MAP4K5: variants seen among roughly 807,000 people sequenced by gnomAD.
MAP4K5 encodes MAPK/ERK kinase kinase kinase 5.
Under a neutral mutation model 135.6 loss-of-function variants are expected in MAP4K5, and 82 were observed. That is an observed-to-expected ratio of 0.60 (90% CI 0.51 to 0.73). The LOEUF (loss-of-function observed/expected upper bound fraction) is 0.73, where lower values mean the gene tolerates loss of function less well. Among genes scored for constraint, MAP4K5 ranks in the 30% least tolerant of loss-of-function variants. The pLI, the probability that MAP4K5 is intolerant of heterozygous loss-of-function variation, is 0.00. For synonymous variants in MAP4K5, 347 were observed against 335.0 expected, an observed-to-expected ratio of 1.04 and a Z score of -0.39; for missense variants, 907 against 1,010.9, an observed-to-expected ratio of 0.90 and a Z score of 1.39.
chr14:50,527,837 T>A (rs1043597568), intron 2 of MAP4K5, among the ~76,000 whole-genome samples: 7 of 23,318 alleles, frequency 3.0e-4, no homozygotes, highest in Admixed American at 2.4e-3. Context: ...ATAATAATAA[T>A]AAATAAATAA....
chr14:50,468,997 G>A (rs1162671427), intron 9 of MAP4K5, among the ~76,000 whole-genome samples: 1 of 152,134 alleles, frequency 6.6e-6, no homozygotes, highest in Admixed American at 6.5e-5. Context: ...TCCTCTGAAT[G>A]TTTATGCTCT....
rs1161344778 is a variant in MAP4K5, at chr14:50,445,070, C to G, written c.1310G>C (p.Cys437Ser). The G allele has an allele frequency of 6.2e-7, 1 of 1,613,602 alleles. No homozygotes were observed. The highest frequency in any genetic ancestry group is 8.5e-7 in the Non-Finnish European group (1 of 1,179,656). Residue 437 changes from cysteine (C) to serine (S), a missense_variant, in exon 18 of 33, where the codon TGT becomes TCT. Around this residue, in one of 3 missense-constraint regions of MAP4K5, gnomAD observed 690 missense variants for 777.4 expected, o/e 0.89. Coordinates refer to ENST00000682126, the MANE Select transcript of MAP4K5 (RefSeq NM_006575.6). The stretch of plus-strand genomic sequence containing the variant: ...AGAAGAAGTCTCTGCCACAGGCCCA[C>G]AACTTGGGCTACTCTGTCTTCTGAG... Reference protein sequence around the residue: ...QILRRQSSPSCGPVAETSSIG... With the variant: ...QILRRQSSPSSGPVAETSSIG...
intron 13 of MAP4K5, among the ~76,000 whole-genome samples, chr14:50,458,526 T>C (rs922307848): frequency 1.3e-5 from 2 of 152,192 alleles, no homozygotes; most frequent in African/African-American, 4.8e-5. Flanking sequence ...TTATCTCTGT[T>C]AAACTCATCA....
At chr14:50,446,879 A>C (rs1020255178) in intron 16 of MAP4K5, among the ~76,000 whole-genome samples, 5 of 152,222 alleles carry the variant, frequency 3.3e-5, no homozygotes, top group African/African-American at 1.2e-4. Flanking sequence ...ATTTCATGTA[A>C]TTTTCATGTG....
At chr14:50,452,039 G>A (rs1159308772) in intron 14 of MAP4K5, among the ~76,000 whole-genome samples, 2 of 152,272 alleles carry the variant, frequency 1.3e-5, no homozygotes, top group Non-Finnish European at 2.9e-5. Context: ...ATACTCTCTT[G>A]AGATGCTGGA....
At chr14:50,466,775 T>C (rs962658809) in intron 10 of MAP4K5, 130 bp from the exon 11 acceptor site, 7 of 480,854 alleles carry the variant, frequency 1.5e-5, no homozygotes, top group African/African-American at 1.2e-4. Context: ...CTATGGGATA[T>C]AGAAATTAAA....
chr14:50,525,662 C>T (rs990510149), intron 2 of MAP4K5, among the ~76,000 whole-genome samples: 1 of 151,976 alleles, frequency 6.6e-6, no homozygotes, highest in African/African-American at 2.4e-5. Flanking sequence ...ATGGCGAAAC[C>T]CCACCTTTAC....
intron 21 of MAP4K5, among the ~76,000 whole-genome samples, chr14:50,441,743 T>TACACACACACACAC (rs57651486): frequency 7.1e-6 from 1 of 141,532 alleles, no homozygotes; most frequent in African/African-American, 2.6e-5. Flanking sequence ...AATTATTTTA[T>TACACACACACACAC]ACACACACAC....
At chr14:50,547,865 T>A in intron 1 of MAP4K5, among the ~76,000 whole-genome samples, 1 of 152,232 alleles carries the variant, frequency 6.6e-6, no homozygotes. Context: ...GGAGGGCCAA[T>A]AATGGACTTT....
chr14:50,479,697 G>C (rs1204285679), intron 6 of MAP4K5, among the ~76,000 whole-genome samples: 1 of 151,978 alleles, frequency 6.6e-6, no homozygotes, highest in African/African-American at 2.4e-5. Flanking sequence ...ATCTTATTTT[G>C]CTTCTTTGCT....
At position 50,419,015 on chromosome 14, in the gene MAP4K5, A is replaced by G. The variant is rs2035665184; in HGVS notation, c.*1004T>C. 6.6e-6 allele frequency: 1 copy of G among 152,170 alleles called. No individual in the cohort carries two copies. Among genetic ancestry groups the G allele is most frequent in the Non-Finnish European group, 1.5e-5 (1 of 68,000 alleles). 9.4% of individuals were successfully genotyped at this position (152,170 alleles called of 1,614,324 possible). ...CAACCTACTCAAAATGAATACCTACATATGTGAAAAACCCAAGATTACATG... is the reference window on the plus strand; with the variant it reads ...CAACCTACTCAAAATGAATACCTACGTATGTGAAAAACCCAAGATTACATG... On this transcript the variant is annotated 3_prime_UTR_variant, in exon 33 of 33. Coordinates refer to ENST00000682126, the MANE Select transcript of MAP4K5 (RefSeq NM_006575.6).
intron 2 of MAP4K5, among the ~76,000 whole-genome samples, chr14:50,540,364 G>A (rs2038545922): frequency 6.6e-6 from 1 of 152,184 alleles, no homozygotes; most frequent in African/African-American, 2.4e-5. Context: ...CTCTGTAACA[G>A]AGATTCAAGA....
At chr14:50,552,891 C>T (rs2038720248) in intron 1 of MAP4K5, among the ~76,000 whole-genome samples, 3 of 152,120 alleles carry the variant, frequency 2.0e-5, no homozygotes. Flanking sequence ...AACCTAAGAA[C>T]TGAAACCACA....
At chr14:50,527,355 T>G (rs563806462) in intron 2 of MAP4K5, among the ~76,000 whole-genome samples, 1 of 151,896 alleles carries the variant, frequency 6.6e-6, no homozygotes, top group Non-Finnish European at 1.5e-5. Flanking sequence ...AAAAGTACTT[T>G]TGTATGATTA....
chr14:50,430,793 T>A (rs1253447606), intron 28 of MAP4K5, among the ~76,000 whole-genome samples: 1 of 152,238 alleles, frequency 6.6e-6, no homozygotes, highest in African/African-American at 2.4e-5. Context: ...CCAGGCAAGC[T>A]GTGACCAAAA....
intron 1 of MAP4K5, among the ~76,000 whole-genome samples, chr14:50,553,478 AG>A (rs762294154): frequency 6.6e-6 from 1 of 152,108 alleles, no homozygotes; most frequent in African/African-American, 2.4e-5. Flanking sequence ...TGTGGTGAAA[AG>A]GGAGCTCTTT....
chr14:50,486,140 T>A lies in MAP4K5; in HGVS notation c.221A>T (p.His74Leu). The change falls in exon 4 of 33, where the codon CAT becomes CTT. Residue 74 changes from histidine (H) to leucine (L), a missense_variant. Transcript: ENST00000682126. ...CCCAAAGTAGGCAACGATGTTACAATGTTTACATTCTTTAACCATAAATAT... is the reference window on the plus strand; with the variant it reads ...CCCAAAGTAGGCAACGATGTTACAAAGTTTACATTCTTTAACCATAAATAT... The part of the protein sequence containing the change: ...QEIFMVKECK[H>L]CNIVAYFGSY... 7.0e-7 allele frequency: 1 copy of A among 1,424,208 alleles called. No individual in the cohort carries two copies. Among genetic ancestry groups the A allele is most frequent in the African/African-American group, 1.4e-5 (1 of 69,706 alleles). 88.2% of individuals were successfully genotyped at this position (1,424,208 alleles called of 1,614,324 possible).
chr14:50,441,386 T>C (rs933977248), intron 21 of MAP4K5, among the ~76,000 whole-genome samples: 20 of 152,134 alleles, frequency 1.3e-4, no homozygotes, highest in Non-Finnish European at 5.9e-5. Flanking sequence ...TCTCCTGATA[T>C]GATGTACTGA....
chr14:50,419,829 C>A lies in MAP4K5; in HGVS notation c.*190G>T. 1 of 535,038 alleles carries A rather than the reference C, an allele frequency of 1.9e-6. No homozygotes were observed. The highest frequency in any genetic ancestry group is 3.3e-6 in the Non-Finnish European group (1 of 298,770). 33.1% of individuals were successfully genotyped at this position (535,038 alleles called of 1,614,324 possible). A position where few individuals can be genotyped will look rare whatever the true frequency, so the allele number is the denominator to read the frequency against. The stretch of plus-strand genomic sequence containing the variant: ...AAGCAAACTTGATATAACCACCACA[C>A]AGTGGCAAGAGATAGACTAGCTGTT... On this transcript the variant is annotated 3_prime_UTR_variant, in exon 33 of 33. Transcript: ENST00000682126.
Sources: gnomAD v4.1 joint callset for allele counts (sites outside exome capture counted in the v4.1 genomes callset) on GRCh38, gnomAD v4.1.1 for gene constraint, gnomAD v4.1.1 regional missense constraint, MANE v1.5 for transcripts, NCBI Gene and HGNC (gene_info 2026-07-23, HGNC 2026-07-21) for gene names.